Variants in PPARGC1B observed in about 807,000 individuals in gnomAD.
PPARGC1B encodes the protein PPARG coactivator 1 beta, also known as peroxisome proliferator-activated receptor gamma coactivator 1-beta.
PPARGC1B carries 34 observed loss-of-function variants against 101.6 expected under a neutral mutation model. The observed-to-expected ratio is 0.33, with a 90% CI of 0.25 to 0.45. The LOEUF is 0.45. PPARGC1B is among the 20% of genes least tolerant of loss of function. The probability of loss-of-function intolerance (pLI) is 1.00; values close to 1 mark genes in which losing one functional copy is unlikely to be tolerated. For synonymous variants in PPARGC1B, 548 were observed against 539.3 expected (o/e 1.02, Z -0.22); for missense variants, 1,234 against 1,317.6 (o/e 0.94, Z 0.98).
Position 149,820,618 on chromosome 5 carries a change from C to T in PPARGC1B, c.252+12C>T. 1 of 1,600,166 alleles carries T rather than the reference C, an allele frequency of 6.2e-7. No individual in the cohort carries two copies. The highest frequency in any genetic ancestry group is 8.5e-7 in the Non-Finnish European group (1 of 1,174,284). Reference sequence around the variant, plus strand: ...CCGAGCTCTTCCAGGTATGCCCTTTCCAGTCTCCCCTCCTCCCACCCTGCC... The same window carrying T: ...CCGAGCTCTTCCAGGTATGCCCTTTTCAGTCTCCCCTCCTCCCACCCTGCC... On this transcript the variant is annotated intron_variant, in intron 2 of 11. Transcript: ENST00000309241.
intron 1 of PPARGC1B, among the ~76,000 whole-genome samples, chr5:149,770,268 T>C (rs1026741558): frequency 6.6e-6 from 1 of 152,338 alleles, no homozygotes; most frequent in Non-Finnish European, 1.5e-5. Context: ...AGCCTTCCTC[T>C]CTGGCTGTCA....
chr5:149,815,836 C>T (rs1402648546), intron 1 of PPARGC1B, among the ~76,000 whole-genome samples: 4 of 152,168 alleles, frequency 2.6e-5, no homozygotes, highest in African/African-American at 9.7e-5. Context: ...TGTGAGCCAC[C>T]GCGCCTGTTC....
At chr5:149,824,790 C>T (rs1007665782) in intron 2 of PPARGC1B, among the ~76,000 whole-genome samples, 1 of 152,178 alleles carries the variant, frequency 6.6e-6, no homozygotes, top group African/African-American at 2.4e-5. Context: ...GATCTACCCT[C>T]GGGCCTCCAT....
chr5:149,749,218 T>C (rs1318798862), intron 1 of PPARGC1B, among the ~76,000 whole-genome samples: 1 of 152,178 alleles, frequency 6.6e-6, no homozygotes, highest in Non-Finnish European at 1.5e-5. Flanking sequence ...TGATTATTAC[T>C]CCTATTTACC....
chr5:149,807,114 T>C lies in PPARGC1B; in HGVS notation c.79-13319T>C, dbSNP rs905547150. Among the ~76,000 whole-genome samples, 3 of 151,988 alleles carry C rather than the reference T, an allele frequency of 2.0e-5. No homozygotes were observed. The East Asian group carries it at 5.8e-4, about 29-fold the overall frequency. ...AGTTGGGACAATAGGCATACGCTACTGTGCCTGGCCAATTTTTGTATTTTT... is the reference window on the plus strand; with the variant it reads ...AGTTGGGACAATAGGCATACGCTACCGTGCCTGGCCAATTTTTGTATTTTT... On this transcript the variant is annotated intron_variant, in intron 1 of 11. Coordinates refer to ENST00000309241, the MANE Select transcript of PPARGC1B (RefSeq NM_133263.4).
intron 1 of PPARGC1B, among the ~76,000 whole-genome samples, chr5:149,746,728 G>A (rs777798751): frequency 2.0e-5 from 3 of 152,110 alleles, no homozygotes; most frequent in Non-Finnish European, 2.9e-5. Flanking sequence ...CAGTGCACAA[G>A]GGTCCCAATT....
intron 2 of PPARGC1B, among the ~76,000 whole-genome samples, chr5:149,825,631 G>T (rs552236847): frequency 2.6e-5 from 4 of 152,086 alleles, no homozygotes; most frequent in African/African-American, 9.7e-5. Context: ...CCTTTCTCAC[G>T]CTCTGAAATG....
At position 149,836,347 on chromosome 5, in the gene PPARGC1B, A is replaced by T; in HGVS notation, c.1892A>T (p.Glu631Val). The change falls in exon 8 of 12, where the codon GAA becomes GTA. Residue 631 changes from glutamate (E) to valine (V), a missense_variant. Around this residue, in one of 3 missense-constraint regions of PPARGC1B, gnomAD observed 497 missense variants for 529.5 expected, o/e 0.94. Transcript: ENST00000309241. ...KPDIKHSLGK[E>V]IALSLPSPEG... ...GACATCAAGCATAGTCTAGGCAAAG[A>T]AATAGCTCTCAGCCTCCCCTCCCCT... The T allele has an allele frequency of 6.2e-7, 1 of 1,614,054 alleles. No individual in the cohort carries two copies. The highest frequency in any genetic ancestry group is 8.5e-7 in the Non-Finnish European group (1 of 1,180,006).
intron 1 of PPARGC1B, among the ~76,000 whole-genome samples, chr5:149,748,316 TAG>T (rs751006832): frequency 0.27 from 40,267 of 146,956 alleles, 5,683 homozygotes; most frequent in East Asian, 0.37. Flanking sequence ...GATATAGATA[TAG>T]ATATATCTAT....
chr5:149,735,245 C>CCTGTGAAA (rs1754658243), intron 1 of PPARGC1B, among the ~76,000 whole-genome samples: 1 of 152,184 alleles, frequency 6.6e-6, no homozygotes, highest in Admixed American at 6.5e-5. Context: ...GATCAGGATG[C>CCTGTGAAA]CTGTGAAACC....
intron 1 of PPARGC1B, among the ~76,000 whole-genome samples, chr5:149,772,568 G>T (rs886249496): frequency 3.3e-5 from 5 of 152,134 alleles, no homozygotes; most frequent in Non-Finnish European, 4.4e-5. Flanking sequence ...TCTCTCCTTG[G>T]CTTGTAGATG....
chr5:149,815,282 G>A (rs1758010658), intron 1 of PPARGC1B, among the ~76,000 whole-genome samples: 1 of 152,170 alleles, frequency 6.6e-6, no homozygotes, highest in African/African-American at 2.4e-5. Context: ...AAGTTAAAAT[G>A]AGGTCATTAG....
chr5:149,791,750 G>A (rs1757029753), intron 1 of PPARGC1B, among the ~76,000 whole-genome samples: 1 of 152,166 alleles, frequency 6.6e-6, no homozygotes. Context: ...ACAGTCAGTC[G>A]AGCTGCTCTG....
intron 1 of PPARGC1B, among the ~76,000 whole-genome samples, chr5:149,779,258 G>C (rs1756506328): frequency 6.6e-6 from 1 of 152,218 alleles, no homozygotes; most frequent in Non-Finnish European, 1.5e-5. Flanking sequence ...ATAAGATGGG[G>C]ATGAGGCTTG....
intron 1 of PPARGC1B, among the ~76,000 whole-genome samples, chr5:149,784,608 C>G (rs1335396584): frequency 7.1e-6 from 1 of 141,590 alleles, no homozygotes; most frequent in African/African-American, 2.6e-5. Context: ...CGCTCTGTCG[C>G]CCAGGCTGGA....
In PPARGC1B at chr5:149,750,859, G is replaced by GCAGCCTGGCCAGGCTT. The variant is rs956046076; in HGVS notation, c.78+20448_78+20463dup. 6.6e-5 allele frequency among the ~76,000 whole-genome samples: 10 copies of GCAGCCTGGCCAGGCTT among 152,348 alleles called. No homozygotes were observed. The East Asian group carries it at 7.7e-4, about 12-fold the overall frequency. Reference sequence around the variant, plus strand: ...GTACGCACGATGGGTGCCCGTGCAGGCAGCCTGGCCAGGCTTCAGCCTGGA... The same window carrying GCAGCCTGGCCAGGCTT: ...GTACGCACGATGGGTGCCCGTGCAGGCAGCCTGGCCAGGCTTCAGCCTGGCCAGGCTTCAGCCTGGA... On this transcript the variant is annotated intron_variant, in intron 1 of 11. Coordinates refer to ENST00000309241, the MANE Select transcript of PPARGC1B (RefSeq NM_133263.4).
intron 9 of PPARGC1B, among the ~76,000 whole-genome samples, chr5:149,840,734 C>A (rs536819059): frequency 6.6e-6 from 1 of 152,234 alleles, no homozygotes; most frequent in East Asian, 1.9e-4. Context: ...ACATCAGGGG[C>A]CTGGAGTGGG....
intron 1 of PPARGC1B, among the ~76,000 whole-genome samples, chr5:149,736,749 AT>A (rs934542682): frequency 1.3e-5 from 2 of 151,240 alleles, no homozygotes; most frequent in African/African-American, 4.9e-5. Flanking sequence ...TCCTCAGTAC[AT>A]TTTTTTTTCT....
intron 1 of PPARGC1B, among the ~76,000 whole-genome samples, chr5:149,749,905 A>T (rs1296307110): frequency 6.6e-6 from 1 of 152,134 alleles, no homozygotes; most frequent in Admixed American, 6.5e-5. Flanking sequence ...CTTGGAGCTG[A>T]ACCACCAGGT....
Sources: gnomAD v4.1 joint callset for allele counts (sites outside exome capture counted in the v4.1 genomes callset) on GRCh38, gnomAD v4.1.1 for gene constraint, gnomAD v4.1.1 regional missense constraint, MANE v1.5 for transcripts, NCBI Gene and HGNC (gene_info 2026-07-23, HGNC 2026-07-21) for gene names.